CEP112: variants seen among roughly 807,000 people sequenced by gnomAD.
The protein encoded by CEP112 is centrosomal protein 112.
CEP112 carries 127 observed loss-of-function variants against 153.0 expected under a neutral mutation model. The ratio of observed to expected loss-of-function variants is 0.83; its 90% CI spans 0.72 to 0.96. The LOEUF is 0.96. Among genes scored for constraint, CEP112 ranks in the 40% least tolerant of loss-of-function variants. CEP112 has a pLI of 0.00. For missense variants in CEP112, 1,089 were observed against 1,101.2 expected (o/e 0.99, Z 0.16); for synonymous variants, 358 against 374.4 (o/e 0.96, Z 0.51).
At chr17:66,016,743 T>C (rs574240799) in intron 16 of CEP112, among the ~76,000 whole-genome samples, 2 of 152,142 alleles carry the variant, frequency 1.3e-5, no homozygotes, top group South Asian at 4.1e-4. Context: ...CTATTTACTG[T>C]TGATTTTTTT....
intron 24 of CEP112, among the ~76,000 whole-genome samples, chr17:65,646,885 T>C (rs2045462473): frequency 6.6e-6 from 1 of 152,188 alleles, no homozygotes; most frequent in Non-Finnish European, 1.5e-5. Flanking sequence ...TTTAAAAATG[T>C]GACAACAATA....
chr17:66,035,008 A>ATATATATTT (rs1454121288), intron 12 of CEP112, among the ~76,000 whole-genome samples: 1 of 72,372 alleles, frequency 1.4e-5, no homozygotes, highest in African/African-American at 4.4e-5. Context: ...ATATATATAT[A>ATATATATTT]TTTTTTTTTT....
chr17:66,051,601 T>C (rs1485508955), intron 12 of CEP112, among the ~76,000 whole-genome samples: 5 of 152,146 alleles, frequency 3.3e-5, no homozygotes, highest in Non-Finnish European at 7.3e-5. Flanking sequence ...ATACCACTTC[T>C]CATTTCTTTT....
Position 65,981,945 on chromosome 17 carries a change from A to T in CEP112, c.1737-20347T>A, listed in dbSNP as rs1663251900. ...AATACATAAATGAGCTGCTACAGGA[A>T]AAGATGGCAATACTGACATAGTAAA... is the stretch of plus-strand genomic sequence containing the variant. On this transcript the variant is annotated intron_variant, in intron 17 of 26. Coordinates refer to ENST00000535342, the MANE Select transcript of CEP112 (RefSeq NM_001199165.4). Among the ~76,000 whole-genome samples the T allele has an allele frequency of 1.3e-5, 2 of 152,214 alleles. 1 individual carries two copies. The highest frequency in any genetic ancestry group is 4.1e-4 in the South Asian group (2 of 4,822).
At chr17:66,159,855 A>T (rs1568560394) in intron 4 of CEP112, among the ~76,000 whole-genome samples, 1 of 152,192 alleles carries the variant, frequency 6.6e-6, no homozygotes, top group Non-Finnish European at 1.5e-5. Context: ...GGCCAGGGCA[A>T]TCAGGCAAGA....
At chr17:65,733,326 C>T (rs1268504765) in intron 23 of CEP112, among the ~76,000 whole-genome samples, 2 of 152,128 alleles carry the variant, frequency 1.3e-5, no homozygotes, top group East Asian at 3.8e-4. Context: ...TCACTGATAA[C>T]AGATCACCAT....
At chr17:65,663,622 G>C (rs1343935937) in intron 24 of CEP112, among the ~76,000 whole-genome samples, 1 of 152,154 alleles carries the variant, frequency 6.6e-6, no homozygotes, top group African/African-American at 2.4e-5. Flanking sequence ...CTGCAACCCA[G>C]CACAGAACTA....
intron 20 of CEP112, among the ~76,000 whole-genome samples, chr17:65,868,414 C>T (rs8075247): frequency 0.14 from 21,401 of 151,676 alleles, 1,546 homozygotes; most frequent in African/African-American, 0.16. Flanking sequence ...GCAGGAGAAA[C>T]GCTTGAGCCC....
At chr17:66,070,532 C>T (rs1044320552) in intron 8 of CEP112, among the ~76,000 whole-genome samples, 8 of 152,016 alleles carry the variant, frequency 5.3e-5, no homozygotes, top group African/African-American at 1.4e-4. Context: ...TTCTCTCTCC[C>T]GGAATCATAG....
At chr17:65,659,766 G>A (rs1033980602) in intron 24 of CEP112, among the ~76,000 whole-genome samples, 8 of 152,118 alleles carry the variant, frequency 5.3e-5, no homozygotes, top group East Asian at 1.9e-4. Context: ...CTTTTTACAC[G>A]AGAAGTAAAA....
At position 66,028,269 on chromosome 17, in the gene CEP112, CTGTGTTTGACCAT is replaced by C. The variant is rs765527327; in HGVS notation, c.1596+31_1596+43del. ...CAATGATACATCTGAATCAAGAAAACTGTGTTTGACCATTGTTCTTCTGTGTAGAAATACAAGA... is the reference window on the plus strand; with the variant it reads ...CAATGATACATCTGAATCAAGAAAACTGTTCTTCTGTGTAGAAATACAAGA... On this transcript the variant is annotated intron_variant, in intron 15 of 26. Transcript: ENST00000535342. The C allele has an allele frequency of 2.4e-5, 28 of 1,184,526 alleles. No homozygotes were observed. The Middle Eastern group carries it at 5.7e-4, about 24-fold the overall frequency. 73.4% of individuals were successfully genotyped at this position (1,184,526 alleles called of 1,614,324 possible).
intron 4 of CEP112, among the ~76,000 whole-genome samples, chr17:66,141,678 C>T (rs116379240): frequency 2.2e-4 from 33 of 152,230 alleles, no homozygotes; most frequent in African/African-American, 7.7e-4. Flanking sequence ...AGCAAAAGTC[C>T]TCCAGCTTCA....
At position 65,697,627 on chromosome 17, in the gene CEP112, C is replaced by A. The variant is rs192501333; in HGVS notation, c.2608-8409G>T. On this transcript the variant is annotated intron_variant, in intron 23 of 26. Transcript: ENST00000535342. Reference sequence around the variant, plus strand: ...ACAAGGAGCGATAAATGTGGGGCTACCGAAAGTGACACAGTGGCAGCGTGA... The same window carrying A: ...ACAAGGAGCGATAAATGTGGGGCTAACGAAAGTGACACAGTGGCAGCGTGA... 4.1e-3 allele frequency among the ~76,000 whole-genome samples: 627 copies of A among 152,172 alleles called. 9 individuals are homozygous for A. Among genetic ancestry groups the A allele is most frequent in the African/African-American group, 0.014 (601 of 41,502 alleles).
chr17:65,838,931 T>C (rs2057417482), intron 21 of CEP112, among the ~76,000 whole-genome samples: 1 of 152,066 alleles, frequency 6.6e-6, no homozygotes, highest in Non-Finnish European at 1.5e-5. Context: ...TCTGGGCACA[T>C]GCAACATACC....
At position 65,960,125 on chromosome 17, in the gene CEP112, A is replaced by G. The variant is rs181799825; in HGVS notation, c.1872+1338T>C. Among the ~76,000 whole-genome samples, 439 of 152,338 alleles carry G rather than the reference A, an allele frequency of 2.9e-3. 2 individuals are homozygous for G. Among genetic ancestry groups the G allele is most frequent in the East Asian group, 9.8e-3 (51 of 5,188 alleles). On this transcript the variant is annotated intron_variant, in intron 18 of 26. Coordinates refer to ENST00000535342, the MANE Select transcript of CEP112 (RefSeq NM_001199165.4). ...AGGAAGATAACTATAGTGTAAAATA[A>G]TAAGTGAGTATTGAAACATTCTTTA...
intron 24 of CEP112, chr17:65,644,192 G>T (rs138609509): frequency 2.7e-6 from 2 of 741,596 alleles, no homozygotes; most frequent in Admixed American, 2.0e-5. Flanking sequence ...CTATGGTTGC[G>T]TTGGGGACCA....
chr17:65,727,519 T>A (rs1170112174), intron 23 of CEP112, among the ~76,000 whole-genome samples: 1 of 152,144 alleles, frequency 6.6e-6, no homozygotes, highest in Admixed American at 6.5e-5. Flanking sequence ...TAGGGTCATA[T>A]CAGAGGAATA....
At chr17:65,848,512 C>A (rs2057806748) in intron 21 of CEP112, among the ~76,000 whole-genome samples, 1 of 152,144 alleles carries the variant, frequency 6.6e-6, no homozygotes, top group Admixed American at 6.5e-5. Context: ...TGGAGCTGTA[C>A]CCCTAAGTTC....
rs1290252349 is a variant in CEP112 at position 66,192,054 on chromosome 17, C to CGCCGCCCCT, written c.-75_-67dup. On this transcript the variant is annotated 5_prime_UTR_variant, in exon 1 of 27. Transcript: ENST00000535342. ...CCGCTGCCGCCAACGCCGCCGCCAC[C>CGCCGCCCCT]GCCGCCCCTGCCAAACGGTTTCAAA... 1 of 153,974 alleles carries CGCCGCCCCT rather than the reference C, an allele frequency of 6.5e-6. No homozygotes were observed. Among genetic ancestry groups the CGCCGCCCCT allele is most frequent in the Non-Finnish European group, 1.5e-5 (1 of 68,806 alleles). 9.5% of individuals were successfully genotyped at this position (153,974 alleles called of 1,614,324 possible).
Sources: gnomAD v4.1 joint callset for allele counts (sites outside exome capture counted in the v4.1 genomes callset) on GRCh38, gnomAD v4.1.1 for gene constraint, MANE v1.5 for transcripts, NCBI Gene and HGNC (gene_info 2026-07-23, HGNC 2026-07-21) for gene names.